The following PAXIP1 variants were observed in gnomAD, a reference collection of about 807,000 sequenced individuals.
PAXIP1 encodes the protein PAX-interacting protein 1.
In PAXIP1, 19 loss-of-function variants were observed where a neutral mutation model predicts 140.6. The ratio of observed to expected loss-of-function variants is 0.14; its 90% CI spans 0.09 to 0.20. The LOEUF (loss-of-function observed/expected upper bound fraction) is 0.20. Ranked by LOEUF, PAXIP1 falls within the 10% of genes least tolerant of loss-of-function variation. The pLI is 1.00. For missense variants in PAXIP1, 920 were observed against 1,208.6 expected, an observed-to-expected ratio of 0.76 and a Z score of 3.54; for synonymous variants, 442 against 444.6, an observed-to-expected ratio of 0.99 and a Z score of 0.07.
rs756712001 is a variant in PAXIP1, at chr7:154,944,131, A to G, written c.*18T>C. The G allele has an allele frequency of 2.5e-6, 4 of 1,612,426 alleles. No individual in the cohort carries two copies. In the East Asian group the frequency reaches 8.9e-5, roughly 36 times the overall value. On this transcript the variant is annotated 3_prime_UTR_variant, in exon 21 of 21. Transcript: ENST00000404141. ...CCCCGCACCGCAGGAGTCGACATGC[A>G]CGGCAGCCTAGACGCCATCAGTTAA... is the stretch of plus-strand genomic sequence containing the variant.
rs1810454620 is a variant in PAXIP1, at chr7:154,993,753, A to T, written c.233T>A (p.Leu78Gln). The change falls in exon 3 of 21, where the codon CTG (leucine) becomes CAG (glutamine). Residue 78 changes from leucine (L) to glutamine (Q), a missense_variant. This residue lies in a region of PAXIP1 where 419 missense variants were observed against 514.7 expected (regional missense o/e 0.81). Transcript: ENST00000404141. ...LPVVKPSWVILSVQCGTLLPV... is the reference protein window; with the variant it reads ...LPVVKPSWVIQSVQCGTLLPV... The stretch of plus-strand genomic sequence containing the variant: ...CAGAAGAGTTCCACACTGAACGGAC[A>T]GAATCACCCAAGAAGGCTGAAAAAG... 6.3e-7 allele frequency: 1 copy of T among 1,591,386 alleles called. No individual in the cohort carries two copies. The highest frequency in any genetic ancestry group is 1.8e-5 in the Admixed American group (1 of 56,816).
Position 154,968,608 on chromosome 7 carries a change from C to T in PAXIP1, c.1593G>A (p.Gln531=), listed in dbSNP as rs559593713. 5.0e-5 allele frequency: 36 copies of T among 716,482 alleles called. No individual in the cohort carries two copies. The highest frequency in any genetic ancestry group is 4.9e-4 in the South Asian group (33 of 67,460). The allele number at this position is 716,482 out of a possible 1,614,324, so 44.4% of individuals were successfully genotyped here. A position where few individuals can be genotyped will look rare whatever the true frequency, so the allele number is the denominator to read the frequency against. The change falls in exon 7 of 21, where the codon CAG becomes CAA. Residue 531 remains glutamine, a synonymous_variant. Coordinates refer to ENST00000404141, the MANE Select transcript of PAXIP1 (RefSeq NM_007349.4). ...HSLLQQQQQQ[Q]IQQQQLQRMH... ...TGCGCTGGAGCTGCTGCTGCTGAAT[C>T]TGCTGTTGCTGCTGCTGCTGGAGCA...
chr7:154,989,470 A>C (rs1810220825), intron 4 of PAXIP1, among the ~76,000 whole-genome samples: 2 of 152,234 alleles, frequency 1.3e-5, no homozygotes, highest in African/African-American at 4.8e-5. Flanking sequence ...ATCACCTATG[A>C]GCACCAAAAT....
Position 154,954,200 on chromosome 7 carries a change from G to GAA in PAXIP1, c.2821+53_2821+54dup. ...TTGGGATGAAAAGAGATGAATTCAA[G>GAA]AAAAAAAAAAGTTTATTTGGCATTA... On this transcript the variant is annotated intron_variant, in intron 16 of 20. Coordinates refer to ENST00000404141, the MANE Select transcript of PAXIP1 (RefSeq NM_007349.4). This position sits in a 1 kb window ranked among gnomAD's most constrained non-coding sequence, Gnocchi z 5.1. The GAA allele has an allele frequency of 2.1e-5, 23 of 1,121,386 alleles. No homozygotes were observed. The highest frequency in any genetic ancestry group is 2.7e-5 in the Non-Finnish European group (23 of 843,892). The allele number at this position is 1,121,386 out of a possible 1,614,324, so 69.5% of individuals were successfully genotyped here. A position where few individuals can be genotyped will look rare whatever the true frequency, so the allele number is the denominator to read the frequency against.
At chr7:154,972,330 T>C (rs1245458590) in intron 6 of PAXIP1, among the ~76,000 whole-genome samples, 3 of 151,984 alleles carry the variant, frequency 2.0e-5, no homozygotes, top group Admixed American at 6.5e-5. Context: ...CTAATAAAAA[T>C]GAACAAACAT....
At chr7:154,975,294 GTTAT>G (rs1809519111) in intron 6 of PAXIP1, among the ~76,000 whole-genome samples, 1 of 152,078 alleles carries the variant, frequency 6.6e-6, no homozygotes, top group South Asian at 2.1e-4. Context: ...ATGAATTTGT[GTTAT>G]TTATTTACTA....
intron 4 of PAXIP1, among the ~76,000 whole-genome samples, chr7:154,988,889 CTT>C (rs1810196907): frequency 6.6e-6 from 1 of 152,142 alleles, no homozygotes; most frequent in Non-Finnish European, 1.5e-5. Context: ...ATTTTTAAAA[CTT>C]TTCTGATAAG....
At chr7:154,991,143 C>A in intron 3 of PAXIP1, 74 bp from the exon 4 acceptor site, 1 of 682,880 alleles carries the variant, frequency 1.5e-6, no homozygotes, top group South Asian at 2.0e-5. Context: ...ACATTACCCA[C>A]CCACTCCGTC....
chr7:154,955,485 A>G (rs768836696), intron 15 of PAXIP1, 44 bp downstream of exon 15: 1 of 1,143,080 alleles, frequency 8.7e-7, no homozygotes, highest in Non-Finnish European at 1.3e-6. Flanking sequence ...TATACAAAAA[A>G]GGACACTGCT....
chr7:154,967,919 A>C lies in PAXIP1; in HGVS notation c.1799-9T>G. The C allele has an allele frequency of 6.3e-7, 1 of 1,588,034 alleles. No individual in the cohort carries two copies. The highest frequency in any genetic ancestry group is 8.6e-7 in the Non-Finnish European group (1 of 1,161,226). On this transcript the variant is annotated splice_polypyrimidine_tract_variant and intron_variant, in intron 7 of 20. Transcript: ENST00000404141. Reference sequence around the variant, plus strand: ...GAAGCCTTCTTCTGGAACTAGAGTAAAATTACATAAGAAAAAGAAAATTAA... The same window carrying C: ...GAAGCCTTCTTCTGGAACTAGAGTACAATTACATAAGAAAAAGAAAATTAA...
chr7:154,976,688 A>G (rs570917139), intron 5 of PAXIP1, among the ~76,000 whole-genome samples: 9 of 152,356 alleles, frequency 5.9e-5, no homozygotes, highest in African/African-American at 2.2e-4. Context: ...CTGATTGATA[A>G]TATTTAGAAG....
chr7:154,974,502 T>C (rs1563376897), intron 6 of PAXIP1: 1 of 152,282 alleles, frequency 6.6e-6, no homozygotes, highest in Non-Finnish European at 1.5e-5. Flanking sequence ...TTCATGCCAT[T>C]TGGGTCTTCC....
chr7:154,998,956 G>A (rs947619826), intron 1 of PAXIP1, among the ~76,000 whole-genome samples, 172 bp from the exon 2 acceptor site: 1 of 152,130 alleles, frequency 6.6e-6, no homozygotes, highest in African/African-American at 2.4e-5. Context: ...AAACTTTCGG[G>A]GACAATCAAA....
At chr7:154,962,055 A>G (rs571454397) in intron 10 of PAXIP1, among the ~76,000 whole-genome samples, 1 of 152,140 alleles carries the variant, frequency 6.6e-6, no homozygotes, top group East Asian at 1.9e-4. Context: ...GGTGCAAGAC[A>G]TCTGATTTAT....
Position 155,002,833 on chromosome 7 carries a change from G to C in PAXIP1, c.81+16C>G, listed in dbSNP as rs1359894983. ...GCGGACGGGGGAGGAGGCCGCGGCA[G>C]GGGCGGGCGCGGTACCTGCGGGTCG... On this transcript the variant is annotated intron_variant, in intron 1 of 20. Transcript: ENST00000404141. 7.5e-7 allele frequency: 1 copy of C among 1,327,332 alleles called. No individual in the cohort carries two copies. Among genetic ancestry groups the C allele is most frequent in the Non-Finnish European group, 9.9e-7 (1 of 1,013,834 alleles). 82.2% of individuals were successfully genotyped at this position (1,327,332 alleles called of 1,614,324 possible). A position where few individuals can be genotyped will look rare whatever the true frequency, so the allele number is the denominator to read the frequency against.
chr7:154,988,678 C>T (rs1211739453), intron 4 of PAXIP1, among the ~76,000 whole-genome samples: 1 of 152,124 alleles, frequency 6.6e-6, no homozygotes, highest in Admixed American at 6.6e-5. Flanking sequence ...CTGAAAAATG[C>T]CCATAGGACT....
chr7:155,002,172 G>C (rs1237010743), intron 1 of PAXIP1: 1 of 152,266 alleles, frequency 6.6e-6, no homozygotes, highest in African/African-American at 2.4e-5. Context: ...ATCCTTTGGC[G>C]TGAGCCCAAA....
At chr7:154,957,616 T>C (rs1808577088) in intron 13 of PAXIP1, among the ~76,000 whole-genome samples, 1 of 152,186 alleles carries the variant, frequency 6.6e-6, no homozygotes, top group African/African-American at 2.4e-5. Flanking sequence ...GCCCTCAACC[T>C]TGAACTTCTC....
chr7:154,966,567 G>A (rs115692737), intron 8 of PAXIP1, among the ~76,000 whole-genome samples: 1 of 152,122 alleles, frequency 6.6e-6, no homozygotes, highest in Non-Finnish European at 1.5e-5. Context: ...ACTAACTTTT[G>A]TATCTTTGAG....
Sources: allele counts gnomAD v4.1 joint callset (sites outside exome capture counted in the v4.1 genomes callset), GRCh38; gene constraint gnomAD v4.1.1; regional missense constraint gnomAD v4.1.1; non-coding constraint Gnocchi (gnomAD v3.1); transcripts MANE v1.5; gene names NCBI Gene and HGNC (gene_info 2026-07-23, HGNC 2026-07-21).